The following ZNF280D variants were observed in gnomAD, a reference collection of about 807,000 sequenced individuals.
The protein encoded by ZNF280D is suppressor of hairy wing homolog 4.
ZNF280D carries 39 observed loss-of-function variants against 94.7 expected under a neutral mutation model. The observed-to-expected ratio is 0.41, with a 90% confidence interval of 0.32 to 0.54. The LOEUF is 0.54. Among genes scored for constraint, ZNF280D ranks in the 20% least tolerant of loss-of-function variants. ZNF280D has a pLI of 0.22. For synonymous variants in ZNF280D, 398 were observed against 377.6 expected, an observed-to-expected ratio of 1.05 and a Z score of -0.63; for missense variants, 1,090 against 1,149.3, an observed-to-expected ratio of 0.95 and a Z score of 0.75.
Position 56,704,200 on chromosome 15 carries a change from T to C in ZNF280D, c.96A>G (p.Lys32=). The change falls in exon 4 of 22, where the codon AAA becomes AAG. Residue 32 remains lysine (K), a synonymous_variant. Coordinates refer to ENST00000267807, the MANE Select transcript of ZNF280D (RefSeq NM_017661.4). ...CATCGTCATCCTCAACTTCTTTTAC[T>C]TTCTTCTGCCATGGTTCCAGCTCCT... ...EEEELEPWQK[K]VKEVEDDDDD... The C allele has an allele frequency of 2.5e-6, 4 of 1,613,690 alleles. No individual in the cohort carries two copies. The highest frequency in any genetic ancestry group is 3.4e-6 in the Non-Finnish European group (4 of 1,179,874).
intron 1 of ZNF280D, chr15:56,730,428 T>C (rs2058829849): frequency 6.6e-6 from 1 of 152,208 alleles, no homozygotes; most frequent in Non-Finnish European, 1.5e-5. Context: ...AAAACTACAG[T>C]TGACTTTTCA....
chr15:56,717,553 G>A (rs921842984), intron 1 of ZNF280D, among the ~76,000 whole-genome samples: 2 of 151,702 alleles, frequency 1.3e-5, no homozygotes, highest in East Asian at 1.9e-4. Flanking sequence ...CTATGTTATC[G>A]CCATTATAAA....
intron 1 of ZNF280D, among the ~76,000 whole-genome samples, chr15:56,721,664 A>G (rs552251982): frequency 6.6e-6 from 1 of 152,238 alleles, no homozygotes; most frequent in East Asian, 1.9e-4. Flanking sequence ...CTTCTGCACC[A>G]TCTTCACTCT....
In ZNF280D at chr15:56,676,848, G is replaced by T. The variant is rs773707109; in HGVS notation, c.1264-32C>A. On this transcript the variant is annotated intron_variant, in intron 12 of 21. Coordinates refer to ENST00000267807, the MANE Select transcript of ZNF280D (RefSeq NM_017661.4). ...AAAGAAAGAAGGCTTAGTTTAACTT[G>T]AAAATTTAAAACTGATATGCAATTA... 9 of 1,517,598 alleles carry T rather than the reference G, an allele frequency of 5.9e-6. No individual in the cohort carries two copies. The African/African-American group carries it at 9.8e-5, about 17-fold the overall frequency. The allele number at this position is 1,517,598 out of a possible 1,614,324, so 94.0% of individuals were successfully genotyped here. A position where few individuals can be genotyped will look rare whatever the true frequency, so the allele number is the denominator to read the frequency against.
intron 3 of ZNF280D, among the ~76,000 whole-genome samples, chr15:56,704,549 G>T (rs1466919358): frequency 1.3e-5 from 2 of 152,084 alleles, no homozygotes; most frequent in Non-Finnish European, 2.9e-5. Context: ...AGTTTTAGTC[G>T]TATACATAGA....
intron 1 of ZNF280D, among the ~76,000 whole-genome samples, chr15:56,723,644 T>C (rs1472634238): frequency 1.3e-5 from 2 of 152,214 alleles, no homozygotes; most frequent in African/African-American, 4.8e-5. Context: ...CTCCCTCTTT[T>C]AATTATATCT....
rs757293608 is a variant in ZNF280D at position 56,672,661 on chromosome 15, G to GTGTT, written c.1411-3708_1411-3705dup. On this transcript the variant is annotated intron_variant, in intron 13 of 21. Transcript: ENST00000267807. Reference sequence around the variant, plus strand: ...TTTGTGTGTGTGGTTTTTTTTGTGTGTGTTTGTTTGTTTGTTTGTTTTTGG... The same window carrying GTGTT: ...TTTGTGTGTGTGGTTTTTTTTGTGTGTGTTTGTTTGTTTGTTTGTTTGTTTTTGG... Among the ~76,000 whole-genome samples the GTGTT allele has an allele frequency of 1.2e-4, 18 of 151,780 alleles. No homozygotes were observed. The East Asian group carries it at 1.7e-3, about 15-fold the overall frequency.
intron 4 of ZNF280D, among the ~76,000 whole-genome samples, chr15:56,701,941 G>A (rs1189599530): frequency 1.4e-5 from 2 of 145,188 alleles, no homozygotes; most frequent in African/African-American, 5.0e-5. Flanking sequence ...TGTAAACTCT[G>A]TAACTTCTAG....
chr15:56,630,845 C>T lies in ZNF280D; in HGVS notation c.*653G>A, dbSNP rs998119587. Reference sequence around the variant, plus strand: ...AAGTTTAATTAAGGTAAGCTTACAGCCTGGCAGGCTAACACTTGTATGGAG... The same window carrying T: ...AAGTTTAATTAAGGTAAGCTTACAGTCTGGCAGGCTAACACTTGTATGGAG... On this transcript the variant is annotated 3_prime_UTR_variant, in exon 22 of 22. Coordinates refer to ENST00000267807, the MANE Select transcript of ZNF280D (RefSeq NM_017661.4). 4 of 152,152 alleles carry T rather than the reference C, an allele frequency of 2.6e-5. No homozygotes were observed. The highest frequency in any genetic ancestry group is 9.7e-5 in the African/African-American group (4 of 41,430). 9.4% of individuals were successfully genotyped at this position (152,152 alleles called of 1,614,324 possible).
chr15:56,636,628 T>C (rs2052367358), intron 20 of ZNF280D, among the ~76,000 whole-genome samples: 5 of 151,522 alleles, frequency 3.3e-5, no homozygotes, highest in Admixed American at 3.3e-4. Flanking sequence ...GGATTACAGG[T>C]ACCCACCACC....
At chr15:56,718,555 A>AT (rs2058168934) in intron 1 of ZNF280D, among the ~76,000 whole-genome samples, 1 of 152,260 alleles carries the variant, frequency 6.6e-6, no homozygotes, top group Non-Finnish European at 1.5e-5. Flanking sequence ...GACTGCTTAA[A>AT]TCTACAATGA....
chr15:56,721,274 T>G (rs1289092574), intron 1 of ZNF280D, among the ~76,000 whole-genome samples: 11 of 152,144 alleles, frequency 7.2e-5, no homozygotes, highest in African/African-American at 2.7e-4. Context: ...TCTGGCAGAT[T>G]TAGCACAATT....
In ZNF280D at chr15:56,654,461, A is replaced by T; in HGVS notation, c.2100T>A (p.Asp700Glu). ...TAGCCATATTATCTAAGCCAGAAAC[A>T]TCACTTAGGAAATCACAATTAAGGC... ...LVCLNCDFLS[D>E]VSGLDNMATH... Residue 700 changes from aspartate to glutamate, a missense_variant, in exon 18 of 22, where the codon GAT becomes GAA. Asp to Glu is a conservative substitution (Grantham distance 45, BLOSUM62 2). This residue lies in a region of ZNF280D where 577 missense variants were observed against 568.8 expected (regional missense o/e 1.01). Coordinates refer to ENST00000267807, the MANE Select transcript of ZNF280D (RefSeq NM_017661.4). 6.2e-7 allele frequency: 1 copy of T among 1,609,808 alleles called. No individual in the cohort carries two copies. Among genetic ancestry groups the T allele is most frequent in the Non-Finnish European group, 8.5e-7 (1 of 1,178,836 alleles).
intron 16 of ZNF280D, among the ~76,000 whole-genome samples, chr15:56,665,613 A>C (rs1472057646): frequency 1.4e-5 from 2 of 147,776 alleles, no homozygotes; most frequent in East Asian, 2.1e-4. Context: ...AGAGAAACAG[A>C]CTCCACTGAA....
At position 56,677,330 on chromosome 15, in the gene ZNF280D, T is replaced by C. The variant is rs573282565; in HGVS notation, c.1263+244A>G. On this transcript the variant is annotated intron_variant, in intron 12 of 21. Transcript: ENST00000267807. ...CCTTGTATGACTACATTCTTCCCTA[T>C]GTAGCACAGTAAGTCCATATGTTTG... 2.6e-5 allele frequency among the ~76,000 whole-genome samples: 4 copies of C among 152,324 alleles called. No individual in the cohort carries two copies. In the East Asian group the frequency reaches 7.7e-4, roughly 29 times the overall value.
At chr15:56,723,155 C>A (rs1218146203) in intron 1 of ZNF280D, among the ~76,000 whole-genome samples, 1 of 151,674 alleles carries the variant, frequency 6.6e-6, no homozygotes, top group African/African-American at 2.4e-5. Flanking sequence ...GTGCAGCACA[C>A]CAGCATGGCA....
At chr15:56,719,357 C>CA (rs34460966) in intron 1 of ZNF280D, among the ~76,000 whole-genome samples, 82,194 of 148,968 alleles carry the variant, frequency 0.55, 23,352 homozygotes, top group Non-Finnish European at 0.62. Context: ...AACAAAAAAC[C>CA]AAAAAAAAAG....
intron 1 of ZNF280D, among the ~76,000 whole-genome samples, chr15:56,710,635 A>C (rs1470190346): frequency 2.0e-5 from 3 of 152,182 alleles, no homozygotes; most frequent in African/African-American, 7.2e-5. Flanking sequence ...TTTTATCTAA[A>C]ATTAAACTGT....
intron 11 of ZNF280D, among the ~76,000 whole-genome samples, chr15:56,678,196 C>A (rs1156468900): frequency 6.6e-6 from 1 of 151,820 alleles, no homozygotes; most frequent in Non-Finnish European, 1.5e-5. Flanking sequence ...TTAGTAGAGA[C>A]GGGGTTTTGC....
Sources: gnomAD v4.1 joint callset for allele counts (sites outside exome capture counted in the v4.1 genomes callset) on GRCh38, gnomAD v4.1.1 for gene constraint, gnomAD v4.1.1 regional missense constraint, MANE v1.5 for transcripts, NCBI Gene and HGNC (gene_info 2026-07-23, HGNC 2026-07-21) for gene names.